The following ERC2 variants were observed in gnomAD, a reference collection of about 807,000 sequenced individuals.
ERC2 encodes the protein ERC protein 2.
Under a neutral mutation model 114.8 loss-of-function variants are expected in ERC2, and 42 were observed. That is an observed-to-expected ratio of 0.37 (90% confidence interval 0.29 to 0.47). The LOEUF is 0.47. Ranked by LOEUF, ERC2 falls within the 20% of genes least tolerant of loss-of-function variation. ERC2 has a pLI of 0.99. For synonymous variants in ERC2, 454 were observed against 425.5 expected (o/e 1.07, Z -0.82); for missense variants, 939 against 1,150.7 (o/e 0.82, Z 2.66).
chr3:56,261,131 T>C (rs2052894424), intron 3 of ERC2, among the ~76,000 whole-genome samples: 2 of 152,176 alleles, frequency 1.3e-5, no homozygotes, highest in Admixed American at 6.5e-5. Context: ...ACCCTCTGTC[T>C]TTAGCGGGTT....
intron 12 of ERC2, among the ~76,000 whole-genome samples, chr3:55,963,054 C>G (rs924241197): frequency 5.3e-5 from 8 of 152,196 alleles, no homozygotes; most frequent in African/African-American, 1.9e-4. Flanking sequence ...TAGCTTTCCA[C>G]CAGAAGAGCT....
intron 7 of ERC2, among the ~76,000 whole-genome samples, chr3:56,025,974 A>C (rs1418327502): frequency 6.6e-6 from 1 of 152,162 alleles, no homozygotes; most frequent in Non-Finnish European, 1.5e-5. Flanking sequence ...TGGCCAAAAA[A>C]TGGAATAAAA....
At chr3:56,441,310 C>G (rs1433959186) in intron 1 of ERC2, among the ~76,000 whole-genome samples, 1 of 152,162 alleles carries the variant, frequency 6.6e-6, no homozygotes, top group Non-Finnish European at 1.5e-5. Flanking sequence ...AGCCCAGCCA[C>G]CGTCTTTAAT....
chr3:56,170,593 T>TTTG (rs370040605), intron 4 of ERC2, among the ~76,000 whole-genome samples: 1 of 35,504 alleles, frequency 2.8e-5, no homozygotes, highest in African/African-American at 1.1e-4. Flanking sequence ...CTGTTTTTTT[T>TTTG]TTTTTTTTTT....
chr3:56,206,206 C>T (rs112407779), intron 3 of ERC2, among the ~76,000 whole-genome samples: 167 of 66,060 alleles, frequency 2.5e-3, no homozygotes, highest in African/African-American at 6.8e-3. Flanking sequence ...CACACATACA[C>T]ACACACACAC....
At chr3:55,996,984 T>C (rs928658142) in intron 10 of ERC2, among the ~76,000 whole-genome samples, 5 of 152,346 alleles carry the variant, frequency 3.3e-5, no homozygotes, top group Admixed American at 2.0e-4. Flanking sequence ...AGACTGGTCA[T>C]TGATTATTTC....
chr3:56,030,156 T>C (rs2074292168), intron 7 of ERC2, among the ~76,000 whole-genome samples: 2 of 152,166 alleles, frequency 1.3e-5, no homozygotes, highest in African/African-American at 2.4e-5. Context: ...TTTTATTACA[T>C]TAAGATCATA....
intron 3 of ERC2, among the ~76,000 whole-genome samples, chr3:56,214,257 C>T (rs1001283280): frequency 2.0e-4 from 30 of 152,122 alleles, no homozygotes; most frequent in East Asian, 3.9e-4. Context: ...AAAGATTAGA[C>T]GAATGGATAA....
intron 10 of ERC2, among the ~76,000 whole-genome samples, chr3:56,000,657 G>A (rs141376185): frequency 1.6e-3 from 237 of 152,150 alleles, no homozygotes; most frequent in Non-Finnish European, 2.6e-3. Context: ...GCCAGGGTGC[G>A]GCAGAAAGGC....
intron 17 of ERC2, chr3:55,612,693 A>G (rs1480673698): frequency 6.6e-6 from 1 of 152,132 alleles, no homozygotes; most frequent in Non-Finnish European, 1.5e-5. Context: ...TTTTTTTACC[A>G]GTTTTTCCGA....
chr3:55,571,274 G>A (rs2056698440), intron 17 of ERC2, among the ~76,000 whole-genome samples: 1 of 151,918 alleles, frequency 6.6e-6, no homozygotes, highest in South Asian at 2.1e-4. Flanking sequence ...TTATTCTGAT[G>A]CTGTGACATC....
intron 6 of ERC2, among the ~76,000 whole-genome samples, chr3:56,085,424 C>T (rs897880648): frequency 3.3e-5 from 5 of 152,146 alleles, no homozygotes; most frequent in Admixed American, 2.0e-4. Flanking sequence ...GGGAGGAGAA[C>T]GGCAGATTCT....
chr3:55,518,513 G>A (rs982891958), intron 17 of ERC2, among the ~76,000 whole-genome samples: 16 of 152,212 alleles, frequency 1.1e-4, no homozygotes, highest in Non-Finnish European at 4.4e-5. Context: ...AAGTGAAAAG[G>A]TGAAATCTAG....
chr3:55,620,694 C>G (rs559285945), intron 17 of ERC2, among the ~76,000 whole-genome samples: 1 of 152,284 alleles, frequency 6.6e-6, no homozygotes, highest in African/African-American at 2.4e-5. Flanking sequence ...TTTACCGACT[C>G]TGAAACACCA....
chr3:55,632,277 C>T (rs1021593652), intron 17 of ERC2, among the ~76,000 whole-genome samples: 2 of 152,208 alleles, frequency 1.3e-5, no homozygotes, highest in Non-Finnish European at 2.9e-5. Flanking sequence ...CACTGTGGAT[C>T]CCTATAGAAC....
intron 14 of ERC2, among the ~76,000 whole-genome samples, chr3:55,772,975 G>A (rs2068336509): frequency 6.6e-6 from 1 of 152,176 alleles, no homozygotes; most frequent in Admixed American, 6.5e-5. Flanking sequence ...AAGACCTGGT[G>A]GGGCTTGCCA....
At chr3:55,985,503 C>A (rs1307547436) in intron 12 of ERC2, among the ~76,000 whole-genome samples, 1 of 152,202 alleles carries the variant, frequency 6.6e-6, no homozygotes, top group Non-Finnish European at 1.5e-5. Context: ...TATTATACAT[C>A]TTTCAGAACA....
rs551744833 is a variant in ERC2, at chr3:55,787,287, G to A, written c.2565-52369C>T. Among the ~76,000 whole-genome samples the A allele has an allele frequency of 6.9e-4, 105 of 152,064 alleles. 1 individual carries two copies. In the South Asian group the frequency reaches 0.02, roughly 29 times the overall value. ...AAAAATTAGCTGGGTGTGGTGGTGC[G>A]CGCCTGTAGTCCCAGCTACTAGGGA... is the stretch of plus-strand genomic sequence containing the variant. On this transcript the variant is annotated intron_variant, in intron 14 of 17. Coordinates refer to ENST00000288221, the MANE Select transcript of ERC2 (RefSeq NM_015576.3).
chr3:55,919,229 A>G (rs2065276053), intron 13 of ERC2, among the ~76,000 whole-genome samples: 1 of 152,142 alleles, frequency 6.6e-6, no homozygotes, highest in Admixed American at 6.5e-5. Context: ...AAGTTTCAAA[A>G]TTAGCAGGGC....
Sources: allele counts gnomAD v4.1 joint callset (sites outside exome capture counted in the v4.1 genomes callset), GRCh38; gene constraint gnomAD v4.1.1; transcripts MANE v1.5; gene names NCBI Gene and HGNC (gene_info 2026-07-23, HGNC 2026-07-21).